DMD: variants seen among roughly 807,000 people sequenced by gnomAD.
DMD encodes mutant dystrophin.
In DMD, 63 loss-of-function variants were observed where a neutral mutation model predicts 330.1. The observed-to-expected ratio is 0.19, with a 90% confidence interval of 0.16 to 0.24. The LOEUF is 0.24. DMD is among the 10% of genes least tolerant of loss of function. DMD has a pLI of 1.00. For synonymous variants in DMD, 1,223 were observed against 959.8 expected (o/e 1.27, Z -5.07); for missense variants, 3,344 against 2,684.1 (o/e 1.25, Z -5.43).
intron 44 of DMD, among the ~76,000 whole-genome samples, chrX:32,179,354 G>C (rs915551021): frequency 9.0e-6 from 1 of 111,208 alleles, no homozygotes; most frequent in African/African-American, 3.3e-5. Context: ...AGTGTGTTTT[G>C]GCACAAACTG....
chrX:32,749,244 C>T (rs1429451807), intron 7 of DMD, among the ~76,000 whole-genome samples: 2 of 112,236 alleles, frequency 1.8e-5, no homozygotes, highest in Non-Finnish European at 3.8e-5. Flanking sequence ...CATCTTGTCA[C>T]TGACACTTGT....
Position 31,579,705 on chromosome X carries a change from G to A in DMD, c.8217+47968C>T, listed in dbSNP as rs957572566. On this transcript the variant is annotated intron_variant, in intron 55 of 78. Coordinates refer to ENST00000357033, the MANE Select transcript of DMD (RefSeq NM_004006.3). ...GAGCTGATTTTAAGAAAAACATTAAGTAAATAATAGTATATGTGTTATTCA... is the reference window on the plus strand; with the variant it reads ...GAGCTGATTTTAAGAAAAACATTAAATAAATAATAGTATATGTGTTATTCA... 8.5e-4 allele frequency among the ~76,000 whole-genome samples: 96 copies of A among 112,518 alleles called. 1 individual carries two copies. The highest frequency in any genetic ancestry group is 1.9e-4 in the Non-Finnish European group (10 of 53,299).
At chrX:32,654,500 C>A (rs1198798278) in intron 9 of DMD, among the ~76,000 whole-genome samples, 1 of 111,529 alleles carries the variant, frequency 9.0e-6, no homozygotes, top group Non-Finnish European at 1.9e-5. Flanking sequence ...GGGATGAAGC[C>A]CACTTGATAA....
chrX:32,234,937 G>C (rs945186500), intron 43 of DMD, among the ~76,000 whole-genome samples: 5 of 111,787 alleles, frequency 4.5e-5, no homozygotes, highest in African/African-American at 1.6e-4. Flanking sequence ...GTAAAAGGTA[G>C]AGTTGGATTC....
At chrX:32,959,159 T>C (rs761174197) in intron 2 of DMD, among the ~76,000 whole-genome samples, 1 of 112,522 alleles carries the variant, frequency 8.9e-6, no homozygotes, top group Non-Finnish European at 1.9e-5. Context: ...TGTAACGTAC[T>C]CATTAATTTT....
At chrX:31,701,728 C>T (rs1041131446) in intron 52 of DMD, among the ~76,000 whole-genome samples, 7 of 112,570 alleles carry the variant, frequency 6.2e-5, no homozygotes, top group Non-Finnish European at 1.1e-4. Context: ...GGGAGAGTGG[C>T]TTACACCAGT....
At chrX:31,242,799 G>T (rs61357619) in intron 63 of DMD, among the ~76,000 whole-genome samples, 40 of 109,359 alleles carry the variant, frequency 3.7e-4, no homozygotes, top group African/African-American at 1.2e-3. Flanking sequence ...AAGTAACCTT[G>T]AAAAGCAAAA....
chrX:32,148,167 G>A (rs890060279), intron 44 of DMD, among the ~76,000 whole-genome samples: 2 of 110,678 alleles, frequency 1.8e-5, no homozygotes, highest in Non-Finnish European at 3.8e-5. Context: ...GTGAGCCACC[G>A]CACCCGGCCA....
chrX:32,609,273 C>A (rs1399365375), intron 12 of DMD, among the ~76,000 whole-genome samples: 1 of 110,567 alleles, frequency 9.0e-6, no homozygotes, highest in Non-Finnish European at 1.9e-5. Flanking sequence ...TTTTATTTAT[C>A]CTCAAAAAAT....
In DMD at chrX:33,055,974, A is replaced by G. The variant is rs1294209539; in HGVS notation, c.32-35774T>C. On this transcript the variant is annotated intron_variant, in intron 1 of 78. Coordinates refer to ENST00000357033, the MANE Select transcript of DMD (RefSeq NM_004006.3). Reference sequence around the variant, plus strand: ...AGACTATATCAAAATCCCCTGAAGAACTTCTTATAATACCTCTCCCAGAAT... The same window carrying G: ...AGACTATATCAAAATCCCCTGAAGAGCTTCTTATAATACCTCTCCCAGAAT... Among the ~76,000 whole-genome samples the G allele has an allele frequency of 1.8e-5, 2 of 109,826 alleles. 1 individual carries two copies. The highest frequency in any genetic ancestry group is 3.8e-5 in the Non-Finnish European group (2 of 52,811).
chrX:32,416,484 G>A (rs2098166420), intron 29 of DMD, among the ~76,000 whole-genome samples: 1 of 111,592 alleles, frequency 9.0e-6, no homozygotes, highest in African/African-American at 3.2e-5. Context: ...AAGGATTTTT[G>A]CCAATGTCAA....
chrX:31,678,823 G>A (rs1463424214), intron 53 of DMD, among the ~76,000 whole-genome samples: 1 of 111,923 alleles, frequency 8.9e-6, no homozygotes, highest in African/African-American at 3.2e-5. Context: ...CAATTTTGAA[G>A]TGATCTTAAA....
chrX:32,480,767 T>C (rs960472179), intron 21 of DMD, among the ~76,000 whole-genome samples: 2 of 110,819 alleles, frequency 1.8e-5, no homozygotes, highest in African/African-American at 6.5e-5. Flanking sequence ...ACAATTCTTT[T>C]ATCTCACAAT....
At chrX:31,449,575 G>T (rs1017401658) in intron 59 of DMD, among the ~76,000 whole-genome samples, 1 of 108,059 alleles carries the variant, frequency 9.3e-6, no homozygotes, top group Admixed American at 1.0e-4. Context: ...GGATTAGGAG[G>T]AAAGCAAAGC....
chrX:33,336,233 C>CT (rs1309028539), intron 1 of DMD, among the ~76,000 whole-genome samples: 59 of 87,518 alleles, frequency 6.7e-4, no homozygotes, highest in East Asian at 3.1e-3. Context: ...ACAGTTCTGA[C>CT]TTTTTTTTTT....
At chrX:31,314,742 C>CAGAGAGAGAGAGAGAGAGAGAGAAAGAG (rs1556488349) in intron 62 of DMD, among the ~76,000 whole-genome samples, 4 of 55,278 alleles carry the variant, frequency 7.2e-5, no homozygotes, top group African/African-American at 2.5e-4. Context: ...AATACATACA[C>CAGAGAGAGAGAGAGAGAGAGAGAAAGAG]AGAGAGAGAG....
intron 2 of DMD, among the ~76,000 whole-genome samples, chrX:32,895,845 G>A (rs1262627826): frequency 2.4e-4 from 3 of 12,267 alleles, no homozygotes; most frequent in African/African-American, 5.4e-4. Context: ...TGGAATGAAC[G>A]TGTGTGTGTG....
chrX:32,698,019 G>A (rs200777996), intron 8 of DMD, 21 bp from the exon 9 acceptor site: 3 of 1,175,688 alleles, frequency 2.6e-6, no homozygotes, highest in East Asian at 3.1e-5. Context: ...GGGTTTGGGG[G>A]AGTGGATAGA....
chrX:32,182,879 A>G (rs775668039), intron 44 of DMD, among the ~76,000 whole-genome samples: 1 of 111,616 alleles, frequency 9.0e-6, no homozygotes, highest in Non-Finnish European at 1.9e-5. Flanking sequence ...TGTCAGCTAT[A>G]ATTTGTTCAA....
Sources: gnomAD v4.1 joint callset for allele counts (sites outside exome capture counted in the v4.1 genomes callset) on GRCh38, gnomAD v4.1.1 for gene constraint, MANE v1.5 for transcripts, NCBI Gene and HGNC (gene_info 2026-07-23, HGNC 2026-07-21) for gene names.